Variants in H2BC5 observed in about 807,000 individuals in gnomAD.
H2BC5 encodes histone H2B type 1-D.
A neutral mutation model predicts 5.7 loss-of-function variants in H2BC5; 9 were observed. The observed-to-expected ratio is 1.57, with a 90% CI of 0.95 to 2.74. The LOEUF is 2.74. H2BC5 is among the 30% of genes most tolerant of loss of function. H2BC5 has a pLI of 0.00. For synonymous variants in H2BC5, 133 were observed against 70.9 expected (o/e 1.88, Z -4.40); for missense variants, 175 against 168.8 (o/e 1.04, Z -0.20).
intron 1 of H2BC5, among the ~76,000 whole-genome samples, chr6:26,165,031 G>A (rs950846814): frequency 6.6e-6 from 1 of 152,024 alleles, no homozygotes; most frequent in African/African-American, 2.4e-5. Context: ...TATATTGAAA[G>A]ATGATTTATG....
chr6:26,161,659 C>T (rs1764353375), downstream of H2BC5, among the ~76,000 whole-genome samples: 1 of 152,086 alleles, frequency 6.6e-6, no homozygotes, highest in Non-Finnish European at 1.5e-5. Flanking sequence ...GTGGTCCCAG[C>T]TACTCAGGAG....
At chr6:26,161,973 A>G (rs1189667128), downstream of H2BC5, among the ~76,000 whole-genome samples, 2 of 152,166 alleles carry the variant, frequency 1.3e-5, no homozygotes, top group Non-Finnish European at 2.9e-5. Context: ...ATTGAAACCT[A>G]ATGTATTGCT....
In H2BC5 at chr6:26,158,144, A is replaced by G. The variant is rs1438863030; in HGVS notation, c.-26A>G. On this transcript the variant is annotated 5_prime_UTR_variant, in exon 1 of 1. Coordinates refer to ENST00000377777, the MANE Select transcript of H2BC5 (RefSeq NM_021063.4). ...GTGATTATTTTCTCAGGTGTTTGCA[A>G]CAGTGTTCTAACTATTAACGCTACG... The G allele has an allele frequency of 3.8e-6, 6 of 1,599,884 alleles. No homozygotes were observed. Among genetic ancestry groups the G allele is most frequent in the Non-Finnish European group, 2.6e-6 (3 of 1,174,142 alleles).
intron 1 of H2BC5, among the ~76,000 whole-genome samples, chr6:26,167,049 C>CTTTTTTTTTTTTTTTTTTTTT (rs149341201): frequency 1.6e-3 from 154 of 97,012 alleles, no homozygotes; most frequent in Non-Finnish European, 2.0e-3. Context: ...TTTGTTTTCT[C>CTTTTTTTTTTTTTTTTTTTTT]TTTTTTTTTT....
Position 26,158,361 on chromosome 6 carries a change from T to C in H2BC5, c.192T>C (p.Asn64=). The C allele has an allele frequency of 6.2e-7, 1 of 1,614,278 alleles. No homozygotes were observed. The highest frequency in any genetic ancestry group is 1.1e-5 in the South Asian group (1 of 91,092). Reference sequence around the variant, plus strand: ...CTTCCAAGGCAATGGGGATCATGAATTCCTTCGTCAACGACATCTTCGAGC... The same window carrying C: ...CTTCCAAGGCAATGGGGATCATGAACTCCTTCGTCAACGACATCTTCGAGC... ...GISSKAMGIM[N]SFVNDIFERI... is the part of the protein sequence containing the mutation. The change falls in exon 1 of 1, where the codon AAT becomes AAC. Residue 64 remains asparagine (N), a synonymous_variant. Transcript: ENST00000377777.
chr6:26,159,243 GTTTTTTTTTTT>G (rs35999697), downstream of H2BC5, among the ~76,000 whole-genome samples: 17 of 61,404 alleles, frequency 2.8e-4, no homozygotes, highest in Admixed American at 3.4e-3. Context: ...TAATTTATAG[GTTTTTTTTTTT>G]TTTTTTTTTT....
chr6:26,163,079 AT>A (rs749395824), downstream of H2BC5, among the ~76,000 whole-genome samples: 1 of 150,270 alleles, frequency 6.7e-6, no homozygotes, highest in Non-Finnish European at 1.5e-5. Flanking sequence ...ATTTTTCATG[AT>A]TTTTTTCCAT....
chr6:26,168,827 C>T (rs1262907419), intron 1 of H2BC5, among the ~76,000 whole-genome samples: 2 of 152,134 alleles, frequency 1.3e-5, no homozygotes, highest in Admixed American at 6.6e-5. Flanking sequence ...ATAGCAGCTA[C>T]TTTTTAAAAA....
intron 1 of H2BC5, chr6:26,164,139 G>A: frequency 4.5e-6 from 2 of 448,988 alleles, no homozygotes; most frequent in South Asian, 1.9e-5. Context: ...CCCCCCGTGG[G>A]TGAGGAGGCC....
intron 1 of H2BC5, among the ~76,000 whole-genome samples, chr6:26,165,506 A>G (rs1356740930): frequency 6.6e-6 from 1 of 152,068 alleles, no homozygotes; most frequent in African/African-American, 2.4e-5. Flanking sequence ...GACGTCCTGC[A>G]TCCTACCCAT....
intron 1 of H2BC5, among the ~76,000 whole-genome samples, chr6:26,166,627 G>A (rs1461666292): frequency 6.6e-6 from 1 of 151,838 alleles, no homozygotes; most frequent in East Asian, 1.9e-4. Flanking sequence ...CTTTGGGGCA[G>A]GGAGGTAAGG....
At chr6:26,161,410 CTA>C (rs1372788157), downstream of H2BC5, among the ~76,000 whole-genome samples, 1 of 152,104 alleles carries the variant, frequency 6.6e-6, no homozygotes, top group Non-Finnish European at 1.5e-5. Context: ...ATTTAATAAA[CTA>C]TGTAATCAGA....
rs200975212 is a variant in H2BC5 at position 26,169,135 on chromosome 6, T to TA, written c.*10-1833dup. ...CTTAAGATTAATGATTAGGTAATAG[T>TA]AAAAAAATGTTCCAAGTGTAAGATT... On this transcript the variant is annotated intron_variant, in intron 1 of 1. Coordinates refer to the H2BC5 transcript ENST00000289316. Among the ~76,000 whole-genome samples the TA allele has an allele frequency of 5.0e-3, 763 of 152,120 alleles. 7 individuals carry two copies. Among genetic ancestry groups the TA allele is most frequent in the African/African-American group, 0.017 (709 of 41,494 alleles).
intron 1 of H2BC5, among the ~76,000 whole-genome samples, chr6:26,167,785 T>C (rs888717641): frequency 1.3e-5 from 2 of 152,102 alleles, no homozygotes; most frequent in African/African-American, 4.8e-5. Context: ...CTATTTCTCA[T>C]TGGAGACAAA....
chr6:26,158,777 C>A (rs1313209982), downstream of H2BC5: 6 of 673,242 alleles, frequency 8.9e-6, no homozygotes, highest in South Asian at 2.1e-5. Context: ...CGTATTAGAT[C>A]GTTAGCTCAT....
Position 26,158,461 on chromosome 6 carries a change from G to T in H2BC5, c.292G>T (p.Ala98Ser). ...CATCACCTCCAGGGAGATCCAGACG[G>T]CCGTGCGCCTGCTGCTTCCGGGGGA... ...STITSREIQT[A>S]VRLLLPGELA... Residue 98 changes from alanine to serine, a missense_variant, in exon 1 of 1, where the codon GCC becomes TCC. Ala to Ser is a moderately conservative substitution (Grantham distance 99, BLOSUM62 1). Around this residue, in one of 4 missense-constraint regions of H2BC5, gnomAD observed 43 missense variants for 37.7 expected, o/e 1.14. Coordinates refer to ENST00000377777, the MANE Select transcript of H2BC5 (RefSeq NM_021063.4). 6.2e-7 allele frequency: 1 copy of T among 1,614,258 alleles called. No homozygotes were observed. Among genetic ancestry groups the T allele is most frequent in the Non-Finnish European group, 8.5e-7 (1 of 1,180,042 alleles).
downstream of H2BC5, among the ~76,000 whole-genome samples, chr6:26,160,489 G>A (rs1764333818): frequency 7.2e-6 from 1 of 138,154 alleles, no homozygotes; most frequent in Admixed American, 7.6e-5. Context: ...ATTGCTTGAG[G>A]CCAAAAGTTT....
chr6:26,168,072 T>C (rs1273855336), intron 1 of H2BC5, among the ~76,000 whole-genome samples: 1 of 152,034 alleles, frequency 6.6e-6, no homozygotes, highest in Non-Finnish European at 1.5e-5. Flanking sequence ...CCAGGCCAAA[T>C]TGATTCATTT....
downstream of H2BC5, among the ~76,000 whole-genome samples, chr6:26,161,492 T>G (rs1561969242): frequency 6.6e-6 from 1 of 152,070 alleles, no homozygotes; most frequent in South Asian, 2.1e-4. Flanking sequence ...GAATTAGGGC[T>G]GGGCAAGGTG....
Sources: gnomAD v4.1 joint callset for allele counts (sites outside exome capture counted in the v4.1 genomes callset) on GRCh38, gnomAD v4.1.1 for gene constraint, gnomAD v4.1.1 regional missense constraint, MANE v1.5 for transcripts, NCBI Gene and HGNC (gene_info 2026-07-23, HGNC 2026-07-21) for gene names.